SLMAP: variants seen among roughly 807,000 people sequenced by gnomAD.
SLMAP encodes the protein sarcolemma associated protein, also known as sarcolemmal membrane-associated protein.
In SLMAP, 44 loss-of-function variants were observed where a neutral mutation model predicts 128.8. The ratio of observed to expected loss-of-function variants is 0.34; its 90% CI spans 0.27 to 0.44. The LOEUF (loss-of-function observed/expected upper bound fraction) is 0.44, where lower values mean the gene tolerates loss of function less well. Ranked by LOEUF, SLMAP falls within the 20% of genes least tolerant of loss-of-function variation. SLMAP has a pLI of 1.00. For missense variants in SLMAP, 787 were observed against 985.3 expected, an observed-to-expected ratio of 0.80 and a Z score of 2.69; for synonymous variants, 327 against 348.8, an observed-to-expected ratio of 0.94 and a Z score of 0.70.
chr3:57,865,351 C>G, intron 13 of SLMAP, 59 bp downstream of exon 13: 1 of 726,806 alleles, frequency 1.4e-6, no homozygotes, highest in South Asian at 2.0e-5. Context: ...AGTATTTAAG[C>G]AGGATAAGGA....
intron 2 of SLMAP, among the ~76,000 whole-genome samples, chr3:57,799,230 T>G (rs868378163): frequency 2.0e-5 from 3 of 152,192 alleles, no homozygotes; most frequent in Non-Finnish European, 4.4e-5. Flanking sequence ...CGTAATAACT[T>G]TTGTTCATTA....
At chr3:57,865,632 T>C (rs1047764727) in intron 13 of SLMAP, among the ~76,000 whole-genome samples, 7 of 152,232 alleles carry the variant, frequency 4.6e-5, no homozygotes, top group Admixed American at 1.3e-4. Context: ...CCAGTGATAC[T>C]TGACCCCCAT....
chr3:57,833,892 G>A (rs1471572346), intron 3 of SLMAP, among the ~76,000 whole-genome samples: 1 of 151,932 alleles, frequency 6.6e-6, no homozygotes, highest in Non-Finnish European at 1.5e-5. Flanking sequence ...GGATACAGCT[G>A]TGTCACCAGT....
At chr3:57,794,328 T>G (rs1248234879) in intron 2 of SLMAP, among the ~76,000 whole-genome samples, 1 of 152,232 alleles carries the variant, frequency 6.6e-6, no homozygotes, top group Non-Finnish European at 1.5e-5. Context: ...ACTTTGTCTT[T>G]ATCCTTTGGC....
intron 13 of SLMAP, among the ~76,000 whole-genome samples, chr3:57,868,380 C>G (rs1378346724): frequency 6.6e-6 from 1 of 151,826 alleles, no homozygotes; most frequent in Non-Finnish European, 1.5e-5. Context: ...AAGCTCGAAA[C>G]CAGCCTGGGC....
chr3:57,880,903 G>T (rs1364100185), intron 14 of SLMAP, among the ~76,000 whole-genome samples: 1 of 151,950 alleles, frequency 6.6e-6, no homozygotes, highest in African/African-American at 2.4e-5. Flanking sequence ...TAAAAAAAGA[G>T]TTTTAGGGCT....
chr3:57,927,998 T>C lies in SLMAP; in HGVS notation c.*709T>C, dbSNP rs1395437267. ...GAAAATAAACTGTTATGGTGATAAT[T>C]TGGGGAATATGTGCACGCTTGTTCA... On this transcript the variant is annotated 3_prime_UTR_variant, in exon 25 of 25. Transcript: ENST00000671191. The C allele has an allele frequency of 6.6e-6, 1 of 152,478 alleles. No homozygotes were observed. Among genetic ancestry groups the C allele is most frequent in the African/African-American group, 2.4e-5 (1 of 41,400 alleles). The allele number at this position is 152,478 out of a possible 1,614,324, so 9.4% of individuals were successfully genotyped here. A position where few individuals can be genotyped will look rare whatever the true frequency, so the allele number is the denominator to read the frequency against.
chr3:57,788,494 G>A (rs1408777879), intron 2 of SLMAP, among the ~76,000 whole-genome samples: 1 of 152,194 alleles, frequency 6.6e-6, no homozygotes, highest in Non-Finnish European at 1.5e-5. Context: ...ATCAGCCCAT[G>A]TAGTGAAGGT....
intron 2 of SLMAP, among the ~76,000 whole-genome samples, chr3:57,769,200 A>C (rs995513179): frequency 1.3e-5 from 2 of 148,150 alleles, no homozygotes; most frequent in African/African-American, 2.5e-5. Flanking sequence ...ATTTTATTTT[A>C]TTTTTTTTTT....
intron 2 of SLMAP, among the ~76,000 whole-genome samples, chr3:57,814,881 G>A (rs2091624050): frequency 6.6e-6 from 1 of 152,046 alleles, no homozygotes; most frequent in African/African-American, 2.4e-5. Context: ...CCAGCTACTC[G>A]GGAGGCTGTG....
At chr3:57,903,487 G>T (rs923252688) in intron 17 of SLMAP, among the ~76,000 whole-genome samples, 1 of 152,186 alleles carries the variant, frequency 6.6e-6, no homozygotes, top group African/African-American at 2.4e-5. Flanking sequence ...CTTTGATTTG[G>T]CCCTTTACCA....
chr3:57,894,557 T>G (rs2096187457), intron 15 of SLMAP, among the ~76,000 whole-genome samples: 3 of 152,288 alleles, frequency 2.0e-5, no homozygotes, highest in Admixed American at 2.0e-4. Context: ...CTTTATAAAT[T>G]TATAATCTCA....
At chr3:57,840,609 A>G (rs1245641143) in intron 3 of SLMAP, among the ~76,000 whole-genome samples, 1 of 152,230 alleles carries the variant, frequency 6.6e-6, no homozygotes, top group Non-Finnish European at 1.5e-5. Context: ...CTTCAATAGG[A>G]AAAGGAGGAA....
chr3:57,916,671 T>C (rs1576372512), intron 21 of SLMAP, among the ~76,000 whole-genome samples: 1 of 152,214 alleles, frequency 6.6e-6, no homozygotes, highest in East Asian at 1.9e-4. Flanking sequence ...CCTATTTCTG[T>C]TTTTAAAATT....
intron 17 of SLMAP, chr3:57,898,370 G>GA (rs1559487139): frequency 6.6e-6 from 1 of 152,144 alleles, no homozygotes; most frequent in Non-Finnish European, 1.5e-5. Context: ...GGAGGTAAAT[G>GA]AGTAATGAAC....
intron 2 of SLMAP, among the ~76,000 whole-genome samples, chr3:57,812,528 T>C (rs1424155527): frequency 6.6e-6 from 1 of 152,206 alleles, no homozygotes; most frequent in Non-Finnish European, 1.5e-5. Flanking sequence ...CAAGTTTTGT[T>C]TTCTTTTTCA....
chr3:57,775,562 C>T (rs1458675620), intron 2 of SLMAP, among the ~76,000 whole-genome samples: 1 of 149,210 alleles, frequency 6.7e-6, no homozygotes, highest in Non-Finnish European at 1.5e-5. Flanking sequence ...TGGTGTATGC[C>T]TGTAGTCCCG....
At chr3:57,761,135 T>C (rs1398993060) in intron 2 of SLMAP, among the ~76,000 whole-genome samples, 3 of 152,060 alleles carry the variant, frequency 2.0e-5, no homozygotes, top group African/African-American at 7.2e-5. Flanking sequence ...TGGCTCTTAC[T>C]AAGCACCCAA....
At chr3:57,913,883 A>C (rs1178575248) in intron 21 of SLMAP, among the ~76,000 whole-genome samples, 1 of 152,022 alleles carries the variant, frequency 6.6e-6, no homozygotes, top group Non-Finnish European at 1.5e-5. Flanking sequence ...GCTTGGGCCC[A>C]GGAGGTCAAG....
Sources: gnomAD v4.1 joint callset for allele counts (sites outside exome capture counted in the v4.1 genomes callset) on GRCh38, gnomAD v4.1.1 for gene constraint, MANE v1.5 for transcripts, NCBI Gene and HGNC (gene_info 2026-07-23, HGNC 2026-07-21) for gene names.